Variants in ZNF417 observed in about 807,000 individuals in gnomAD.
ZNF417 encodes the protein zinc finger protein 417.
In ZNF417, 5 loss-of-function variants were observed where a neutral mutation model predicts 7.4. That is an observed-to-expected ratio of 0.68 (90% confidence interval 0.35 to 1.43). ZNF417 has a LOEUF of 1.43. Ranked by LOEUF, ZNF417 falls within the 40% of genes most tolerant of loss-of-function variation. The pLI, the probability that ZNF417 is intolerant of heterozygous loss-of-function variation, is 0.04. For missense variants in ZNF417, 437 were observed against 697.3 expected, an observed-to-expected ratio of 0.63 and a Z score of 4.20; for synonymous variants, 147 against 239.1, an observed-to-expected ratio of 0.61 and a Z score of 3.55.
chr19:57,914,778 G>C (rs2071932489), intron 1 of ZNF417, among the ~76,000 whole-genome samples: 1 of 152,176 alleles, frequency 6.6e-6, no homozygotes, highest in Non-Finnish European at 1.5e-5. Flanking sequence ...GCAAATCCTG[G>C]GTTAATCTTA....
Position 57,906,401 on chromosome 19 carries a change from C to T in ZNF417, c.*2149G>A, listed in dbSNP as rs2071827864. ...TCTGACTGTACCTTGCTATTTGTAA[C>T]TTACAATCTTATTCACATTTCTCAA... On this transcript the variant is annotated 3_prime_UTR_variant, in exon 3 of 3. Coordinates refer to ENST00000312026, the MANE Select transcript of ZNF417 (RefSeq NM_152475.3). Among the ~76,000 whole-genome samples, 1 of 151,978 alleles carries T rather than the reference C, an allele frequency of 6.6e-6. No individual in the cohort carries two copies. Among genetic ancestry groups the T allele is most frequent in the Non-Finnish European group, 1.5e-5 (1 of 68,012 alleles).
At chr19:57,915,528 A>G (rs1241633409) in intron 1 of ZNF417, 4 of 454,790 alleles carry the variant, frequency 8.8e-6, no homozygotes, top group Non-Finnish European at 1.6e-5. Context: ...TTGCAAAATT[A>G]TAACTGAGGA....
intron 1 of ZNF417, among the ~76,000 whole-genome samples, chr19:57,915,845 T>C (rs1401253754): frequency 6.6e-6 from 1 of 152,156 alleles, no homozygotes. Context: ...TAAATCACTA[T>C]TGTAAAACCT....
intron 1 of ZNF417, among the ~76,000 whole-genome samples, chr19:57,912,492 C>A (rs1358818493): frequency 6.6e-6 from 1 of 152,164 alleles, no homozygotes; most frequent in Non-Finnish European, 1.5e-5. Context: ...ATTGGACAAA[C>A]TCCCTCTCTA....
At position 57,908,628 on chromosome 19, in the gene ZNF417, A is replaced by C; in HGVS notation, c.1650T>G (p.Cys550Trp). The change falls in exon 3 of 3, where the codon TGT becomes TGG. Residue 550 changes from cysteine to tryptophan, a missense_variant. Cys to Trp is a radical substitution (Grantham distance 215). Coordinates refer to ENST00000312026, the MANE Select transcript of ZNF417 (RefSeq NM_152475.3). ...GCTGAAATGTTTTTCCACATTTGGTACATTCATAAGGCCTTTCTCCAGTGT... is the reference window on the plus strand; with the variant it reads ...GCTGAAATGTTTTTCCACATTTGGTCCATTCATAAGGCCTTTCTCCAGTGT... ...RIHTGERPYE[C>W]TKCGKTFQRS... 1 of 1,613,626 alleles carries C rather than the reference A, an allele frequency of 6.2e-7. No homozygotes were observed. Among genetic ancestry groups the C allele is most frequent in the Non-Finnish European group, 8.5e-7 (1 of 1,179,970 alleles).
Position 57,906,321 on chromosome 19 carries a change from G to C in ZNF417, c.*2229C>G, listed in dbSNP as rs180928016. Among the ~76,000 whole-genome samples the C allele has an allele frequency of 6.6e-6, 1 of 152,130 alleles. No homozygotes were observed. The highest frequency in any genetic ancestry group is 1.5e-5 in the Non-Finnish European group (1 of 68,018). ...CTATTTCATGTATGTGCCTGTATGT[G>C]CTTATATAACATGCTGTAATACAAG... On this transcript the variant is annotated 3_prime_UTR_variant, in exon 3 of 3. Transcript: ENST00000312026.
In ZNF417 at chr19:57,909,312, C is replaced by CCTTTG; in HGVS notation, c.965_966insCAAAG (p.Arg322SerfsTer160). 1 of 1,614,148 alleles carries CCTTTG rather than the reference C, an allele frequency of 6.2e-7. No homozygotes were observed. The highest frequency in any genetic ancestry group is 8.5e-7 in the Non-Finnish European group (1 of 1,179,968). On this transcript the variant is annotated frameshift_variant, in exon 3 of 3. Coordinates refer to ENST00000312026, the MANE Select transcript of ZNF417 (RefSeq NM_152475.3). LOFTEE classifies it low-confidence loss of function (END_TRUNC). ...TCCCATATTCTCTACACTCATAAGG[C>CCTTTG]CTTTCTCCAGTGTGAACACGCTGAT... is the stretch of plus-strand genomic sequence containing the variant.
chr19:57,915,702 A>AC, intron 1 of ZNF417: 1 of 399,556 alleles, frequency 2.5e-6, no homozygotes, highest in Non-Finnish European at 4.4e-6. Flanking sequence ...TCCTGAAAAG[A>AC]CCCCCTTCTT....
intron 2 of ZNF417, among the ~76,000 whole-genome samples, chr19:57,911,517 C>T (rs572183710): frequency 6.6e-6 from 1 of 152,130 alleles, no homozygotes; most frequent in African/African-American, 2.4e-5. Flanking sequence ...GTACATAGGA[C>T]CCGACGATGT....
Position 57,908,691 on chromosome 19 carries a change from A to G in ZNF417, c.1587T>C (p.Phe529=), listed in dbSNP as rs2071860353. Residue 529 remains phenylalanine, a synonymous_variant, in exon 3 of 3, where the codon TTT becomes TTC. Transcript: ENST00000312026. ...PYKCSECGKS[F]AECSSLIKHR... ...GTTTAATGAGACTGGAACATTCAGC[A>G]AAGGATTTTCCACATTCACTGCACT... 1.1e-5 allele frequency: 17 copies of G among 1,614,170 alleles called. No individual in the cohort carries two copies. The highest frequency in any genetic ancestry group is 1.2e-5 in the Non-Finnish European group (14 of 1,180,042).
rs778729765 is a variant in ZNF417, at chr19:57,909,249, C to T, written c.1029G>A (p.Gln343=). ...AAGCTCTCTCTCCAGTGTGACCTTG[C>T]TGATGTTGAATGAGGTTACCCTTTT... ...FGQKGNLIQH[Q]QGHTGERAYH... Residue 343 remains glutamine (Q), a synonymous_variant, in exon 3 of 3, where the codon CAG becomes CAA. Coordinates refer to ENST00000312026, the MANE Select transcript of ZNF417 (RefSeq NM_152475.3). 65 of 1,614,042 alleles carry T rather than the reference C, an allele frequency of 4.0e-5. No individual in the cohort carries two copies. The highest frequency in any genetic ancestry group is 5.2e-5 in the Non-Finnish European group (61 of 1,180,026).
chr19:57,911,216 G>A (rs549610987), intron 2 of ZNF417, among the ~76,000 whole-genome samples: 2 of 152,290 alleles, frequency 1.3e-5, no homozygotes, highest in African/African-American at 4.8e-5. Context: ...GGTGAGATGT[G>A]AGTATTAGTG....
chr19:57,909,501 C>G lies in ZNF417; in HGVS notation c.777G>C (p.Gln259His), dbSNP rs773391921. ...FSRYVSFSNH[Q>H]RDHTAKGPYD... ...AAGGTCCTTTTGCAGTGTGATCTCG[C>G]TGATGATTACTGAAGCTGACATATC... is the stretch of plus-strand genomic sequence containing the variant. Residue 259 changes from glutamine to histidine, a missense_variant, in exon 3 of 3, where the codon CAG (glutamine) becomes CAC (histidine). Physicochemically the swap from Gln to His is conservative, Grantham distance 24. Around this residue, in one of 5 missense-constraint regions of ZNF417, gnomAD observed 60 missense variants for 266.0 expected, o/e 0.23. Transcript: ENST00000312026. 1 of 1,612,650 alleles carries G rather than the reference C, an allele frequency of 6.2e-7. No homozygotes were observed. Among genetic ancestry groups the G allele is most frequent in the Non-Finnish European group, 8.5e-7 (1 of 1,179,382 alleles).
rs372361579 is a variant in ZNF417, at chr19:57,908,837, T to C, written c.1441A>G (p.Ile481Val). Residue 481 changes from isoleucine to valine, a missense_variant, in exon 3 of 3, where the codon ATA becomes GTA. Coordinates refer to ENST00000312026, the MANE Select transcript of ZNF417 (RefSeq NM_152475.3). The stretch of plus-strand genomic sequence containing the variant: ...TCTCCAGTGTGAATCCTCTGATGTA[T>C]AGTCACGCAGTTCTTATTACCAAAT... Reference protein sequence around the residue: ...KLFGNKNCVTIHQRIHTGERP... With the variant: ...KLFGNKNCVTVHQRIHTGERP... 39 of 1,613,794 alleles carry C rather than the reference T, an allele frequency of 2.4e-5. No individual in the cohort carries two copies. Among genetic ancestry groups the C allele is most frequent in the African/African-American group, 6.7e-5 (5 of 74,912 alleles).
intron 1 of ZNF417, among the ~76,000 whole-genome samples, chr19:57,913,997 T>C (rs2071921953): frequency 6.6e-6 from 1 of 152,206 alleles, no homozygotes. Context: ...TGTCTAGTTA[T>C]CCATTTAATG....
rs1350147651 is a variant in ZNF417 at position 57,913,035 on chromosome 19, T to C, written c.34-846A>G. Among the ~76,000 whole-genome samples, 3 of 151,680 alleles carry C rather than the reference T, an allele frequency of 2.0e-5. No individual in the cohort carries two copies. In the East Asian group the frequency reaches 5.8e-4, roughly 29 times the overall value. ...GATGGAATTGAAACCCACCACAAAA[T>C]ATAACAACCTGGAACCCTGCCTTAT... is the stretch of plus-strand genomic sequence containing the variant. On this transcript the variant is annotated intron_variant, in intron 1 of 2. Coordinates refer to ENST00000312026, the MANE Select transcript of ZNF417 (RefSeq NM_152475.3).
chr19:57,915,840 C>T (rs1025183592), intron 1 of ZNF417, among the ~76,000 whole-genome samples: 20 of 152,306 alleles, frequency 1.3e-4, no homozygotes, highest in African/African-American at 4.8e-4. Flanking sequence ...GAAGATAAAT[C>T]ACTATTGTAA....
In ZNF417 at chr19:57,916,471, C is replaced by T; in HGVS notation, c.-60G>A. The T allele has an allele frequency of 6.2e-7, 1 of 1,612,820 alleles. No individual in the cohort carries two copies. The highest frequency in any genetic ancestry group is 1.1e-5 in the South Asian group (1 of 90,960). ...GGTCGCCGTCACGGGGCTGCAGAGC[C>T]GCCTCTGGGCACCGAGGACGATTCC... On this transcript the variant is annotated 5_prime_UTR_variant, in exon 1 of 3. Transcript: ENST00000312026.
At chr19:57,912,754 A>C (rs903967185) in intron 1 of ZNF417, among the ~76,000 whole-genome samples, 4 of 151,000 alleles carry the variant, frequency 2.6e-5, no homozygotes, top group Non-Finnish European at 2.9e-5. Flanking sequence ...GATTACAGCC[A>C]CGCACCACTA....
Sources: allele counts gnomAD v4.1 joint callset (sites outside exome capture counted in the v4.1 genomes callset), GRCh38; gene constraint gnomAD v4.1.1; regional missense constraint gnomAD v4.1.1; transcripts MANE v1.5; gene names NCBI Gene and HGNC (gene_info 2026-07-23, HGNC 2026-07-21).